Variants in RBL1 observed in about 807,000 individuals in gnomAD.
RBL1 encodes RB transcriptional corepressor like 1.
A neutral mutation model predicts 123.0 loss-of-function variants in RBL1; 82 were observed. That is an observed-to-expected ratio of 0.67 (90% CI 0.56 to 0.80). RBL1 has a LOEUF of 0.80. RBL1 is among the 30% of genes least tolerant of loss of function. The pLI is 0.00. For missense variants in RBL1, 1,171 were observed against 1,299.6 expected, an observed-to-expected ratio of 0.90 and a Z score of 1.52; for synonymous variants, 405 against 441.3, an observed-to-expected ratio of 0.92 and a Z score of 1.03.
intron 18 of RBL1, among the ~76,000 whole-genome samples, chr20:37,020,183 G>A (rs1194640019): frequency 6.6e-6 from 1 of 151,386 alleles, no homozygotes; most frequent in East Asian, 1.9e-4. Flanking sequence ...CTGCCTCCTG[G>A]GCTCAATCAA....
chr20:37,085,028 A>C (rs2065517393), intron 2 of RBL1, among the ~76,000 whole-genome samples: 1 of 152,072 alleles, frequency 6.6e-6, no homozygotes, highest in Non-Finnish European at 1.5e-5. Flanking sequence ...AGCCTTCCAA[A>C]GTGCTGGGGA....
chr20:37,086,147 T>C (rs2065542184), intron 2 of RBL1, among the ~76,000 whole-genome samples: 1 of 151,970 alleles, frequency 6.6e-6, no homozygotes, highest in African/African-American at 2.4e-5. Context: ...TGAAATTATA[T>C]GAACAATGAC....
At position 37,001,938 on chromosome 20, in the gene RBL1, AAAAAC is replaced by A. The variant is rs1382287447; in HGVS notation, c.3036+1759_3036+1763del. Among the ~76,000 whole-genome samples, 47 of 151,196 alleles carry A rather than the reference AAAAAC, an allele frequency of 3.1e-4. 1 individual carries two copies. Among genetic ancestry groups the A allele is most frequent in the African/African-American group, 9.9e-4 (41 of 41,242 alleles). On this transcript the variant is annotated intron_variant, in intron 21 of 21. Coordinates refer to ENST00000373664, the MANE Select transcript of RBL1 (RefSeq NM_002895.5). ...AACAATAAAAAAAAAAAAAAAAAAA[AAAAAC>A]AAACCAAACCAATCCAAACCAAAAC...
chr20:37,040,790 T>C (rs1281037289), intron 13 of RBL1, among the ~76,000 whole-genome samples: 1 of 152,218 alleles, frequency 6.6e-6, no homozygotes, highest in Non-Finnish European at 1.5e-5. Context: ...CCTTATAATT[T>C]ATATAGGTAA....
At chr20:37,017,647 T>C (rs2064278581) in intron 19 of RBL1, among the ~76,000 whole-genome samples, 1 of 151,606 alleles carries the variant, frequency 6.6e-6, no homozygotes, top group South Asian at 2.1e-4. Context: ...TGTGTGTGTG[T>C]GTGTGACAGA....
intron 12 of RBL1, among the ~76,000 whole-genome samples, chr20:37,044,478 C>T (rs1353851936): frequency 6.6e-6 from 1 of 152,098 alleles, no homozygotes; most frequent in African/African-American, 2.4e-5. Flanking sequence ...GCTGGGATTA[C>T]AGGCACCTGC....
chr20:37,000,252 C>T (rs187240481), intron 21 of RBL1, among the ~76,000 whole-genome samples: 64 of 149,398 alleles, frequency 4.3e-4, no homozygotes, highest in African/African-American at 1.5e-3. Flanking sequence ...GCCCCTCCGC[C>T]CGGCAGCCAC....
chr20:37,031,752 T>G (rs1364192283), intron 16 of RBL1, among the ~76,000 whole-genome samples: 2 of 152,088 alleles, frequency 1.3e-5, no homozygotes, highest in Non-Finnish European at 2.9e-5. Context: ...TTTTTTTTTC[T>G]TCTTAAGACA....
At chr20:37,019,177 G>A (rs768060040) in intron 18 of RBL1, among the ~76,000 whole-genome samples, 8 of 151,898 alleles carry the variant, frequency 5.3e-5, no homozygotes, top group Non-Finnish European at 1.0e-4. Context: ...CTTAACTGGT[G>A]GGATTACAGG....
At chr20:37,027,490 CT>C (rs1319367653) in intron 16 of RBL1, among the ~76,000 whole-genome samples, 1 of 152,142 alleles carries the variant, frequency 6.6e-6, no homozygotes, top group Non-Finnish European at 1.5e-5. Context: ...AGTCACTGTA[CT>C]CCAACCTGGG....
intron 1 of RBL1, among the ~76,000 whole-genome samples, chr20:37,090,947 C>T (rs755478889): frequency 3.3e-5 from 5 of 152,150 alleles, no homozygotes; most frequent in Non-Finnish European, 7.3e-5. Context: ...TACAATGCCA[C>T]AAAAAGGTGA....
intron 1 of RBL1, among the ~76,000 whole-genome samples, chr20:37,094,486 C>G (rs2065697127): frequency 1.3e-5 from 2 of 152,094 alleles, no homozygotes; most frequent in South Asian, 4.1e-4. Context: ...CCTTTGAACC[C>G]AGCAATTATT....
At chr20:37,042,088 A>AG (rs1328996574) in intron 13 of RBL1, among the ~76,000 whole-genome samples, 4 of 151,572 alleles carry the variant, frequency 2.6e-5, no homozygotes, top group South Asian at 4.2e-4. Flanking sequence ...AAAAAAAAAA[A>AG]AAAGAAAGTG....
At chr20:37,049,536 G>A (rs910907007) in intron 11 of RBL1, 3 of 755,542 alleles carry the variant, frequency 4.0e-6, no homozygotes, top group Non-Finnish European at 2.4e-6. Context: ...AGAAGGTTAA[G>A]CTGGCTATCC....
intron 1 of RBL1, among the ~76,000 whole-genome samples, chr20:37,089,793 G>A (rs577789289): frequency 7.2e-5 from 11 of 152,212 alleles, no homozygotes; most frequent in Admixed American, 2.0e-4. Flanking sequence ...CTTGCCAGGC[G>A]CGGTGGCTCA....
At chr20:37,016,282 C>G (rs546875743) in intron 19 of RBL1, among the ~76,000 whole-genome samples, 4 of 152,244 alleles carry the variant, frequency 2.6e-5, no homozygotes, top group African/African-American at 9.6e-5. Context: ...CCCACCTTGG[C>G]CTCCCAAAGT....
intron 2 of RBL1, among the ~76,000 whole-genome samples, chr20:37,075,366 C>A (rs1324780198): frequency 6.6e-6 from 1 of 152,116 alleles, no homozygotes; most frequent in Non-Finnish European, 1.5e-5. Context: ...GTCATAATAT[C>A]TCAATAGGCT....
At chr20:37,075,238 G>A (rs1231546179) in intron 2 of RBL1, among the ~76,000 whole-genome samples, 1 of 152,132 alleles carries the variant, frequency 6.6e-6, no homozygotes, top group Non-Finnish European at 1.5e-5. Context: ...ATGCTAACAG[G>A]GGTTTCTTTT....
At chr20:37,043,981 C>T (rs1049052127) in intron 13 of RBL1, 105 bp downstream of exon 13, 2 of 877,144 alleles carry the variant, frequency 2.3e-6, no homozygotes, top group Middle Eastern at 5.0e-4. Flanking sequence ...CTGAATTGTA[C>T]ACTTAAAATG....
Sources: allele counts gnomAD v4.1 joint callset (sites outside exome capture counted in the v4.1 genomes callset), GRCh38; gene constraint gnomAD v4.1.1; transcripts MANE v1.5; gene names NCBI Gene and HGNC (gene_info 2026-07-23, HGNC 2026-07-21).